Variants in KMT2A observed in about 807,000 individuals in gnomAD.
The protein encoded by KMT2A is histone-lysine N-methyltransferase 2A.
KMT2A carries 16 observed loss-of-function variants against 345.3 expected under a neutral mutation model. That is an observed-to-expected ratio of 0.05 (90% CI 0.03 to 0.07). KMT2A has a LOEUF of 0.07. Ranked by LOEUF, KMT2A falls within the 10% of genes least tolerant of loss-of-function variation. The pLI is 1.00. For synonymous variants in KMT2A, 1,599 were observed against 1,778.6 expected (o/e 0.90, Z 2.54); for missense variants, 3,272 against 4,841.6 (o/e 0.68, Z 9.62).
Position 118,482,024 on chromosome 11 carries a change from CAAG to C in KMT2A, c.3947_3949del (p.Arg1316del). Reference sequence around the variant, plus strand: ...CCTCAGCCACCTACTACAGGACCGCCAAGAAAAGAAGTTCCCAAAACCACTCCT... The same window carrying C: ...CCTCAGCCACCTACTACAGGACCGCCAAAAGAAGTTCCCAAAACCACTCCT... On this transcript the variant is annotated inframe_deletion, in exon 7 of 36. Transcript: ENST00000534358. 6.2e-7 allele frequency: 1 copy of C among 1,614,082 alleles called. No homozygotes were observed. The highest frequency in any genetic ancestry group is 8.5e-7 in the Non-Finnish European group (1 of 1,179,986).
At chr11:118,501,317 A>G (rs1195850123) in intron 25 of KMT2A, among the ~76,000 whole-genome samples, 170 bp downstream of exon 25, 1 of 152,056 alleles carries the variant, frequency 6.6e-6, no homozygotes, top group African/African-American at 2.4e-5. Context: ...AAAATTAGCC[A>G]GGCATGGTGG....
intron 1 of KMT2A, chr11:118,449,458 G>A (rs555768018): frequency 4.7e-5 from 7 of 149,648 alleles, no homozygotes; most frequent in East Asian, 1.9e-4. Flanking sequence ...GTGGCCTGGC[G>A]CCTTGTAGTC....
rs1555048384 is a variant in KMT2A, at chr11:118,506,338, G to A, written c.10446G>A (p.Gln3482=). ...ATCTTGATTCTGCTTCAGGGCCCCA[G>A]GTATCCAACTTTACCCAGACGGTAG... The part of the protein sequence containing the change: ...QRDLDSASGP[Q]VSNFTQTVDA... Residue 3482 remains glutamine (Q), a synonymous_variant, in exon 27 of 36, where the codon CAG becomes CAA. Transcript: ENST00000534358. 6.2e-7 allele frequency: 1 copy of A among 1,614,096 alleles called. No homozygotes were observed. The highest frequency in any genetic ancestry group is 8.5e-7 in the Non-Finnish European group (1 of 1,180,024).
At chr11:118,469,020 T>C (rs549312102) in intron 2 of KMT2A, among the ~76,000 whole-genome samples, 176 bp downstream of exon 2, 30 of 152,326 alleles carry the variant, frequency 2.0e-4, no homozygotes, top group Non-Finnish European at 4.4e-4. Context: ...CTTTAAGTTT[T>C]AGGGTACATG....
chr11:118,512,885 C>T (rs1950721017), intron 31 of KMT2A, among the ~76,000 whole-genome samples: 1 of 150,988 alleles, frequency 6.6e-6, no homozygotes, highest in Non-Finnish European at 1.5e-5. Context: ...TGGTATTAGA[C>T]TTCATATTAA....
chr11:118,512,138 CTTTA>C, intron 31 of KMT2A, 113 bp downstream of exon 31: 1 of 841,498 alleles, frequency 1.2e-6, no homozygotes, highest in Non-Finnish European at 1.9e-6. Context: ...TTTTTCACAG[CTTTA>C]TTGAGATTTA....
Position 118,497,894 on chromosome 11 carries a change from C to T in KMT2A, c.5665-42C>T. ...TAATGCCGAGGAAAACCTCCTTTGG[C>T]ATTATATTCTTTAGGAAAAAAGAAA... is the stretch of plus-strand genomic sequence containing the variant. On this transcript the variant is annotated intron_variant, in intron 20 of 35. Transcript: ENST00000534358. The surrounding 1 kb of genome is among the most constrained non-coding windows in gnomAD (Gnocchi z 4.8). 6.5e-7 allele frequency: 1 copy of T among 1,529,476 alleles called. No homozygotes were observed. The allele number at this position is 1,529,476 out of a possible 1,614,324, so 94.7% of individuals were successfully genotyped here.
At chr11:118,514,435 T>C (rs75559225) in intron 31 of KMT2A, among the ~76,000 whole-genome samples, 1 of 151,010 alleles carries the variant, frequency 6.6e-6, no homozygotes, top group Non-Finnish European at 1.5e-5. Context: ...GATCCATCCA[T>C]GTGTCTTTTT....
At position 118,503,697 on chromosome 11, in the gene KMT2A, T is replaced by C; in HGVS notation, c.7805T>C (p.Met2602Thr). 1 of 1,614,186 alleles carries C rather than the reference T, an allele frequency of 6.2e-7. No homozygotes were observed. Among genetic ancestry groups the C allele is most frequent in the East Asian group, 2.2e-5 (1 of 44,888 alleles). Residue 2602 changes from methionine to threonine, a missense_variant, in exon 27 of 36, where the codon ATG becomes ACG. Around this residue, in one of 27 missense-constraint regions of KMT2A, gnomAD observed 445 missense variants for 500.9 expected, o/e 0.89. Transcript: ENST00000534358. This position sits in a 1 kb window ranked among gnomAD's most constrained non-coding sequence, Gnocchi z 5.3. ...CTTCCAGTACAGGACAGAAACCTAA[T>C]GCTTCCAGATGGCCCCAAACCTCAG... The part of the protein sequence containing the change: ...QNLPVQDRNL[M>T]LPDGPKPQED...
intron 8 of KMT2A, among the ~76,000 whole-genome samples, chr11:118,482,998 C>T (rs562799896): frequency 1.3e-5 from 2 of 152,018 alleles, no homozygotes; most frequent in Admixed American, 1.3e-4. Context: ...TTTGGGAAGC[C>T]GAAGCAGGCA....
chr11:118,512,713 T>C (rs34683702), intron 31 of KMT2A, among the ~76,000 whole-genome samples: 1 of 152,220 alleles, frequency 6.6e-6, no homozygotes, highest in Admixed American at 6.5e-5. Flanking sequence ...CCAGGTTTTT[T>C]TTCCAAAGTG....
intron 2 of KMT2A, 63 bp from the exon 3 acceptor site, chr11:118,471,599 T>C: frequency 8.5e-7 from 1 of 1,175,778 alleles, no homozygotes; most frequent in South Asian, 1.6e-5. Flanking sequence ...TATATTCAGC[T>C]TAGTTAAAAC....
rs782497834 is a variant in KMT2A, at chr11:118,493,246, G to A, written c.5178+16G>A. 1.2e-6 allele frequency: 2 copies of A among 1,602,444 alleles called. No homozygotes were observed. The highest frequency in any genetic ancestry group is 1.7e-4 in the Middle Eastern group (1 of 6,050). ...CACATCTGTGGTATGTTTCTACAGT[G>A]AGCCATCAGAATTTCTAGTGCCAAT... is the stretch of plus-strand genomic sequence containing the variant. On this transcript the variant is annotated intron_variant, in intron 16 of 35. Transcript: ENST00000534358. This position sits in a 1 kb window ranked among gnomAD's most constrained non-coding sequence, Gnocchi z 5.8.
rs79686126 is a variant in KMT2A, at chr11:118,498,564, A to G, written c.5961+36A>G. On this transcript the variant is annotated intron_variant, in intron 22 of 35. Transcript: ENST00000534358. This position sits in a 1 kb window ranked among gnomAD's most constrained non-coding sequence, Gnocchi z 4.4. Reference sequence around the variant, plus strand: ...TTTAGTTGCTTTAAAAAAAAAAAAAAAGACTTTTTTAGAGCAGTTTTAGGT... The same window carrying G: ...TTTAGTTGCTTTAAAAAAAAAAAAAGAGACTTTTTTAGAGCAGTTTTAGGT... 7.7e-6 allele frequency: 12 copies of G among 1,554,060 alleles called. No homozygotes were observed. The highest frequency in any genetic ancestry group is 9.5e-6 in the Non-Finnish European group (11 of 1,156,314).
rs1555045476 is a variant in KMT2A at position 118,501,082 on chromosome 11, A to G, written c.6254A>G (p.Asp2085Gly). 1 of 1,614,144 alleles carries G rather than the reference A, an allele frequency of 6.2e-7. No homozygotes were observed. The highest frequency in any genetic ancestry group is 8.5e-7 in the Non-Finnish European group (1 of 1,179,980). ...TGCCGTCCTCCAGTCGTAGAGCCGG[A>G]TATCAACAGCACTGTTGAACATGAT... ...VECRPPVVEP[D>G]INSTVEHDEN... The change falls in exon 25 of 36, where the codon GAT (aspartate) becomes GGT (glycine). Residue 2085 changes from aspartate to glycine, a missense_variant. Physicochemically the swap from Asp to Gly is moderately conservative, Grantham distance 94. Transcript: ENST00000534358.
chr11:118,440,452 G>T (rs1555139856), intron 1 of KMT2A, among the ~76,000 whole-genome samples: 2 of 152,120 alleles, frequency 1.3e-5, no homozygotes, highest in Non-Finnish European at 2.9e-5. Flanking sequence ...AATAAACATA[G>T]TACAGCAGCA....
chr11:118,482,565 T>G (rs183193316), intron 8 of KMT2A, 70 bp downstream of exon 8: 1 of 1,148,072 alleles, frequency 8.7e-7, no homozygotes, highest in African/African-American at 1.6e-5. Context: ...AGCCTTATCC[T>G]TGACTTCTAT....
chr11:118,510,067 T>A lies in KMT2A; in HGVS notation c.11020T>A (p.Phe3674Ile). The change falls in exon 30 of 36, where the codon TTT becomes ATT. Residue 3674 changes from phenylalanine to isoleucine, a missense_variant. Transcript: ENST00000534358. This position sits in a 1 kb window ranked among gnomAD's most constrained non-coding sequence, Gnocchi z 4.1. ...TEKKPKKGLV[F>I]EISSDDGFQI... ...GAAAAAACCCAAGAAAGGACTTGTTTTTGAAATTTCCAGTGATGATGGCTT... is the reference window on the plus strand; with the variant it reads ...GAAAAAACCCAAGAAAGGACTTGTTATTGAAATTTCCAGTGATGATGGCTT... The A allele has an allele frequency of 6.2e-7, 1 of 1,613,898 alleles. No individual in the cohort carries two copies. The highest frequency in any genetic ancestry group is 8.5e-7 in the Non-Finnish European group (1 of 1,179,842).
rs1950989117 is a variant in KMT2A at position 118,522,371 on chromosome 11, G to C, written c.*199G>C. ...CCAGAGACAGAGTTGAGGTCTCGAA[G>C]AAAAGATCCATGATCGGCTTTCTCC... On this transcript the variant is annotated 3_prime_UTR_variant, in exon 36 of 36. Transcript: ENST00000534358. This position sits in a 1 kb window ranked among gnomAD's most constrained non-coding sequence, Gnocchi z 5.4. The C allele has an allele frequency of 1.7e-6, 1 of 578,636 alleles. No homozygotes were observed. Among genetic ancestry groups the C allele is most frequent in the Non-Finnish European group, 3.0e-6 (1 of 332,620 alleles). The allele number at this position is 578,636 out of a possible 1,614,324, so 35.8% of individuals were successfully genotyped here. A position where few individuals can be genotyped will look rare whatever the true frequency, so the allele number is the denominator to read the frequency against.
Sources: gnomAD v4.1 joint callset for allele counts (sites outside exome capture counted in the v4.1 genomes callset) on GRCh38, gnomAD v4.1.1 for gene constraint, gnomAD v4.1.1 regional missense constraint, Gnocchi (gnomAD v3.1) non-coding constraint, MANE v1.5 for transcripts, NCBI Gene and HGNC (gene_info 2026-07-23, HGNC 2026-07-21) for gene names.